Variants in PRDM15 observed in about 807,000 individuals in gnomAD.
The protein encoded by PRDM15 is PR/SET domain 15.
In PRDM15, 64 loss-of-function variants were observed where a neutral mutation model predicts 128.6. The observed-to-expected ratio is 0.50, with a 90% confidence interval of 0.41 to 0.61. The LOEUF is 0.61. PRDM15 is among the 20% of genes least tolerant of loss of function. The pLI, the probability that PRDM15 is intolerant of heterozygous loss-of-function variation, is 0.00. For missense variants in PRDM15, 1,242 were observed against 1,569.1 expected (o/e 0.79, Z 3.52); for synonymous variants, 615 against 621.8 (o/e 0.99, Z 0.16).
chr21:41,831,674 G>A (rs1177786851), intron 11 of PRDM15, among the ~76,000 whole-genome samples: 1 of 152,234 alleles, frequency 6.6e-6, no homozygotes, highest in Non-Finnish European at 1.5e-5. Context: ...ACAGCAGTGG[G>A]GAAATCTATG....
chr21:41,870,076 G>A (rs145293572), intron 1 of PRDM15, among the ~76,000 whole-genome samples: 59 of 152,304 alleles, frequency 3.9e-4, no homozygotes, highest in Non-Finnish European at 7.9e-4. Flanking sequence ...CTTTTGCAAC[G>A]TTGTTCCAGC....
chr21:41,852,346 T>C (rs1217453965), intron 5 of PRDM15, among the ~76,000 whole-genome samples: 1 of 152,210 alleles, frequency 6.6e-6, no homozygotes, highest in East Asian at 1.9e-4. Context: ...TGCCTAGGCC[T>C]TCAGGAATTC....
chr21:41,830,993 C>T (rs1049426041), intron 11 of PRDM15, among the ~76,000 whole-genome samples: 19 of 152,206 alleles, frequency 1.2e-4, no homozygotes, highest in Non-Finnish European at 2.5e-4. Context: ...ACGGCGACCC[C>T]GGGGCCCAGC....
At position 41,825,953 on chromosome 21, in the gene PRDM15, G is replaced by GC; in HGVS notation, c.1629+6dup. 1 of 1,606,228 alleles carries GC rather than the reference G, an allele frequency of 6.2e-7. No homozygotes were observed. The highest frequency in any genetic ancestry group is 1.1e-5 in the South Asian group (1 of 90,938). On this transcript the variant is annotated splice_region_variant and intron_variant, in intron 13 of 23. Coordinates refer to ENST00000398548, the MANE Select transcript of PRDM15 (RefSeq NM_001040424.3). The stretch of plus-strand genomic sequence containing the variant: ...TCTCAGCGTCCGACGTGGACTGCGA[G>GC]CATTACCTTGCCACACACCGGGCAC...
In PRDM15 at chr21:41,804,632, C is replaced by T; in HGVS notation, c.2653-18G>A. 1 of 1,538,118 alleles carries T rather than the reference C, an allele frequency of 6.5e-7. No individual in the cohort carries two copies. The highest frequency in any genetic ancestry group is 8.8e-7 in the Non-Finnish European group (1 of 1,141,942). On this transcript the variant is annotated intron_variant, in intron 21 of 23. Transcript: ENST00000398548. ...GCGAGCACCTATGAGGAGCACAGGGCATGAGCTGGGGGTCAGGGTGCTGCT... is the reference window on the plus strand; with the variant it reads ...GCGAGCACCTATGAGGAGCACAGGGTATGAGCTGGGGGTCAGGGTGCTGCT...
At chr21:41,865,073 C>T (rs939146973) in intron 1 of PRDM15, among the ~76,000 whole-genome samples, 13 of 120,800 alleles carry the variant, frequency 1.1e-4, no homozygotes, top group Non-Finnish European at 1.7e-4. Context: ...CTGCAAGTTC[C>T]CACTCCCCTG....
chr21:41,842,398 A>G lies in PRDM15; in HGVS notation c.641-2545T>C, dbSNP rs117997055. Among the ~76,000 whole-genome samples, 915 of 152,356 alleles carry G rather than the reference A, an allele frequency of 6.0e-3. 9 individuals carry two copies. The highest frequency in any genetic ancestry group is 9.6e-3 in the Non-Finnish European group (655 of 68,032). ...TCCACAATCTCACCAACATATTTATATCACTATTTTGGGGTAAATCAATAA... is the reference window on the plus strand; with the variant it reads ...TCCACAATCTCACCAACATATTTATGTCACTATTTTGGGGTAAATCAATAA... On this transcript the variant is annotated intron_variant, in intron 6 of 23. Transcript: ENST00000398548.
At chr21:41,875,924 A>C (rs549706744) in intron 1 of PRDM15, among the ~76,000 whole-genome samples, 1 of 152,178 alleles carries the variant, frequency 6.6e-6, no homozygotes, top group Non-Finnish European at 1.5e-5. Flanking sequence ...TAGAGTGTAC[A>C]TACACAACCC....
At chr21:41,874,060 T>G (rs1262745212) in intron 1 of PRDM15, among the ~76,000 whole-genome samples, 2 of 133,312 alleles carry the variant, frequency 1.5e-5, no homozygotes, top group African/African-American at 6.2e-5. Flanking sequence ...GAAGCAAGAC[T>G]CTGTCTCGGG....
chr21:41,819,907 G>A (rs2062191053), intron 17 of PRDM15, 188 bp downstream of exon 17: 1 of 768,114 alleles, frequency 1.3e-6, no homozygotes, highest in Non-Finnish European at 2.1e-6. Flanking sequence ...GAGGGGTGAG[G>A]GGGCTGGGGG....
intron 6 of PRDM15, 95 bp downstream of exon 6, chr21:41,846,995 G>T: frequency 1.2e-6 from 1 of 810,158 alleles, no homozygotes; most frequent in Non-Finnish European, 2.0e-6. Flanking sequence ...ACAAAGTCTG[G>T]GACATCCCGA....
intron 1 of PRDM15, chr21:41,871,764 G>T: frequency 2.2e-6 from 2 of 913,842 alleles, no homozygotes; most frequent in Non-Finnish European, 3.2e-6. Flanking sequence ...CTGGATGGTT[G>T]CTGCTCCTCC....
chr21:41,866,882 C>G (rs977787619), intron 1 of PRDM15, among the ~76,000 whole-genome samples: 2 of 152,190 alleles, frequency 1.3e-5, no homozygotes, highest in Non-Finnish European at 2.9e-5. Flanking sequence ...TGACCCGCAT[C>G]TTGATTCCTG....
rs531341719 is a variant in PRDM15 at position 41,850,604 on chromosome 21, C to G, written c.539-3413G>C. ...AAAAAATTAGCTGGGTGTGGTGGCACATCCCTGTGGTCCCAGCTACTAGGG... is the reference window on the plus strand; with the variant it reads ...AAAAAATTAGCTGGGTGTGGTGGCAGATCCCTGTGGTCCCAGCTACTAGGG... On this transcript the variant is annotated intron_variant, in intron 5 of 23. Coordinates refer to ENST00000398548, the MANE Select transcript of PRDM15 (RefSeq NM_001040424.3). Among the ~76,000 whole-genome samples the G allele has an allele frequency of 5.3e-5, 8 of 152,140 alleles. No homozygotes were observed. In the East Asian group the frequency reaches 9.6e-4, roughly 18 times the overall value.
chr21:41,801,259 T>C lies in PRDM15; in HGVS notation c.3407A>G (p.Gln1136Arg), dbSNP rs1312957826. 1.3e-6 allele frequency: 2 copies of C among 1,532,188 alleles called. No individual in the cohort carries two copies. The highest frequency in any genetic ancestry group is 2.6e-5 in the South Asian group (2 of 77,408). The allele number at this position is 1,532,188 out of a possible 1,614,324, so 94.9% of individuals were successfully genotyped here. A position where few individuals can be genotyped will look rare whatever the true frequency, so the allele number is the denominator to read the frequency against. ...QPQVQAEQQQ[Q>R]QMYSY ...CGCAGCTCAGTAGCTGTACATCTGCTGCTGCTGCTGCTCCGCCTGCACCTG... is the reference window on the plus strand; with the variant it reads ...CGCAGCTCAGTAGCTGTACATCTGCCGCTGCTGCTGCTCCGCCTGCACCTG... Residue 1136 changes from glutamine to arginine, a missense_variant, in exon 24 of 24, where the codon CAG (glutamine) becomes CGG (arginine). By Grantham distance (43) the Gln-to-Arg change is conservative. Transcript: ENST00000398548.
Position 41,879,220 on chromosome 21 carries a change from G to T in PRDM15, c.-10+50C>A. ...GGGGCAGCGGGTGCGGCCCGGGGCC[G>T]GCGGGGCGCACGCCGGGGCGGGCGG... On this transcript the variant is annotated intron_variant, in intron 1 of 23. Transcript: ENST00000398548. The surrounding 1 kb of genome is among the most constrained non-coding windows in gnomAD (Gnocchi z 5.1). 1.2e-6 allele frequency: 1 copy of T among 832,432 alleles called. No homozygotes were observed. Among genetic ancestry groups the T allele is most frequent in the Non-Finnish European group, 1.4e-6 (1 of 691,698 alleles). The allele number at this position is 832,432 out of a possible 1,614,324, so 51.6% of individuals were successfully genotyped here. A position where few individuals can be genotyped will look rare whatever the true frequency, so the allele number is the denominator to read the frequency against.
In PRDM15 at chr21:41,879,061, TC is replaced by T; in HGVS notation, c.-10+208del. Reference sequence around the variant, plus strand: ...CCGGGAAATCCAGCCGGGTTTTGACTCCGATCGCCAACGGTGCCCGCAGCCG... The same window carrying T: ...CCGGGAAATCCAGCCGGGTTTTGACTCGATCGCCAACGGTGCCCGCAGCCG... On this transcript the variant is annotated intron_variant, in intron 1 of 23. Transcript: ENST00000398548. This position sits in a 1 kb window ranked among gnomAD's most constrained non-coding sequence, Gnocchi z 5.1. 1 of 1,131,658 alleles carries T rather than the reference TC, an allele frequency of 8.8e-7. No homozygotes were observed. 70.1% of individuals were successfully genotyped at this position (1,131,658 alleles called of 1,614,324 possible). A position where few individuals can be genotyped will look rare whatever the true frequency, so the allele number is the denominator to read the frequency against.
Position 41,847,602 on chromosome 21 carries a change from C to T in PRDM15, c.539-411G>A, listed in dbSNP as rs146016946. ...GAATAAGAGACAGTGGAACCCCAAA[C>T]GGCCAGCCAGTGGCGCCCCCGTGTG... On this transcript the variant is annotated intron_variant, in intron 5 of 23. Transcript: ENST00000398548. Among the ~76,000 whole-genome samples, 1,176 of 152,216 alleles carry T rather than the reference C, an allele frequency of 7.7e-3. 16 individuals carry two copies. Among genetic ancestry groups the T allele is most frequent in the African/African-American group, 0.027 (1,118 of 41,520 alleles).
intron 1 of PRDM15, among the ~76,000 whole-genome samples, chr21:41,865,020 C>T (rs1001336884): frequency 2.0e-5 from 3 of 150,986 alleles, no homozygotes; most frequent in Non-Finnish European, 4.4e-5. Flanking sequence ...TCCTCAGTCC[C>T]CACTCCCCAC....
Sources: allele counts gnomAD v4.1 joint callset (sites outside exome capture counted in the v4.1 genomes callset), GRCh38; gene constraint gnomAD v4.1.1; non-coding constraint Gnocchi (gnomAD v3.1); transcripts MANE v1.5; gene names NCBI Gene and HGNC (gene_info 2026-07-23, HGNC 2026-07-21).